Variants in RAX2 observed in about 807,000 individuals in gnomAD.
RAX2 encodes retina and anterior neural fold homeobox 2, also known as retina and anterior neural fold homeobox protein 2.
RAX2 carries 4 observed loss-of-function variants against 5.8 expected under a neutral mutation model. The ratio of observed to expected loss-of-function variants is 0.69; its 90% CI spans 0.34 to 1.58. The LOEUF (loss-of-function observed/expected upper bound fraction) is 1.58. Ranked by LOEUF, RAX2 falls within the 40% of genes most tolerant of loss-of-function variation. RAX2 has a pLI of 0.05. For missense variants in RAX2, 275 were observed against 271.4 expected, an observed-to-expected ratio of 1.01 and a Z score of -0.09; for synonymous variants, 133 against 128.8, an observed-to-expected ratio of 1.03 and a Z score of -0.22.
rs917545 is a variant in RAX2 at position 3,769,755 on chromosome 19, G to A, written c.*866C>T. ...TTGCTCAGAGCTCTTGGGCGATGCG[G>A]CTGGGTTGGACAGAGCAGATGCTGG... On this transcript the variant is annotated 3_prime_UTR_variant, in exon 3 of 3. Coordinates refer to ENST00000555633, the MANE Select transcript of RAX2 (RefSeq NM_001319074.4). 0.79 allele frequency: 121,148 copies of A among 153,164 alleles called. 48,018 individuals are homozygous for A. Among genetic ancestry groups the A allele is most frequent in the African/African-American group, 0.84 (34,894 of 41,540 alleles). 9.5% of individuals were successfully genotyped at this position (153,164 alleles called of 1,614,324 possible).
In RAX2 at chr19:3,770,812, A is replaced by G. The variant is rs1173290478; in HGVS notation, c.364T>C (p.Leu122=). 2 of 1,520,446 alleles carry G rather than the reference A, an allele frequency of 1.3e-6. No individual in the cohort carries two copies. The highest frequency in any genetic ancestry group is 8.8e-7 in the Non-Finnish European group (1 of 1,140,276). The allele number at this position is 1,520,446 out of a possible 1,614,324, so 94.2% of individuals were successfully genotyped here. A position where few individuals can be genotyped will look rare whatever the true frequency, so the allele number is the denominator to read the frequency against. The change falls in exon 3 of 3, where the codon TTG becomes CTG. Residue 122 remains leucine (L), a synonymous_variant. Transcript: ENST00000555633. The part of the protein sequence containing the change: ...PAMSLPLEPW[L]GPGPPAVPGL... ...GGCACGGCCGGCGGTCCGGGGCCCA[A>G]CCAGGGCTCCAGGGGCAGCGACATG... is the stretch of plus-strand genomic sequence containing the variant.
Position 3,770,594 on chromosome 19 carries a change from A to G in RAX2, c.*27T>C, listed in dbSNP as rs1185206434. On this transcript the variant is annotated 3_prime_UTR_variant, in exon 3 of 3. Coordinates refer to ENST00000555633, the MANE Select transcript of RAX2 (RefSeq NM_001319074.4). ...CGTCCCCGGTTCTCGGGTTGGGCCG[A>G]GGAGGGGGCCCGGGAGGGCGGCAGG... 1.3e-6 allele frequency: 2 copies of G among 1,526,554 alleles called. No homozygotes were observed. The highest frequency in any genetic ancestry group is 1.8e-6 in the Non-Finnish European group (2 of 1,141,444). The allele number at this position is 1,526,554 out of a possible 1,614,324, so 94.6% of individuals were successfully genotyped here.
chr19:3,771,404 C>A lies in RAX2; in HGVS notation c.216+123G>T. On this transcript the variant is annotated intron_variant, in intron 2 of 2. Coordinates refer to ENST00000555633, the MANE Select transcript of RAX2 (RefSeq NM_001319074.4). This position sits in a 1 kb window ranked among gnomAD's most constrained non-coding sequence, Gnocchi z 4.2. ...ACTCAAATGTCAAAACCTCAGCTCC[C>A]ACACCCCCTCCTCCAGGAAGCCTTC... 1.2e-6 allele frequency: 1 copy of A among 805,124 alleles called. No homozygotes were observed. The highest frequency in any genetic ancestry group is 1.5e-5 in the South Asian group (1 of 65,222). 49.9% of individuals were successfully genotyped at this position (805,124 alleles called of 1,614,324 possible). A position where few individuals can be genotyped will look rare whatever the true frequency, so the allele number is the denominator to read the frequency against.
rs761291839 is a variant in RAX2 at position 3,771,821 on chromosome 19, G to C, written c.-79C>G. 90 of 1,487,770 alleles carry C rather than the reference G, an allele frequency of 6.0e-5. No homozygotes were observed. Among genetic ancestry groups the C allele is most frequent in the Non-Finnish European group, 7.8e-5 (87 of 1,119,802 alleles). The allele number at this position is 1,487,770 out of a possible 1,614,324, so 92.2% of individuals were successfully genotyped here. A position where few individuals can be genotyped will look rare whatever the true frequency, so the allele number is the denominator to read the frequency against. ...GGGCTACCGGCAGGGACAGGGCAGG[G>C]GAGCCCCAGGCTTGCCTCCCGGCTC... On this transcript the variant is annotated 5_prime_UTR_variant, in exon 2 of 3. Transcript: ENST00000555633. This position sits in a 1 kb window ranked among gnomAD's most constrained non-coding sequence, Gnocchi z 4.2.
chr19:3,770,606 G>C lies in RAX2; in HGVS notation c.*15C>G, dbSNP rs1318540795. ...TCGGGTTGGGCCGAGGAGGGGGCCC[G>C]GGAGGGCGGCAGGCTCAGGCTGGCG... On this transcript the variant is annotated 3_prime_UTR_variant, in exon 3 of 3. Coordinates refer to ENST00000555633, the MANE Select transcript of RAX2 (RefSeq NM_001319074.4). 6.5e-7 allele frequency: 1 copy of C among 1,530,184 alleles called. No homozygotes were observed. Among genetic ancestry groups the C allele is most frequent in the East Asian group, 2.5e-5 (1 of 40,712 alleles). 94.8% of individuals were successfully genotyped at this position (1,530,184 alleles called of 1,614,324 possible). A position where few individuals can be genotyped will look rare whatever the true frequency, so the allele number is the denominator to read the frequency against.
rs758919828 is a variant in RAX2 at position 3,771,516 on chromosome 19, G to T, written c.216+11C>A. On this transcript the variant is annotated intron_variant, in intron 2 of 2. Transcript: ENST00000555633. The surrounding 1 kb of genome is among the most constrained non-coding windows in gnomAD (Gnocchi z 4.2). ...GTTGCAAAAGATGTGTGTGTTGGGG[G>T]GTGCCCTCACCTGCACGCGCACCTC... 1.3e-6 allele frequency: 2 copies of T among 1,577,072 alleles called. No homozygotes were observed. Among genetic ancestry groups the T allele is most frequent in the South Asian group, 2.3e-5 (2 of 86,750 alleles).
Position 3,771,529 on chromosome 19 carries a change from G to T in RAX2, c.214C>A (p.Gln72Lys). The change falls in exon 2 of 3, where the codon CAG becomes AAG. Residue 72 changes from glutamine to lysine, a missense_variant and splice_region_variant. Coordinates refer to ENST00000555633, the MANE Select transcript of RAX2 (RefSeq NM_001319074.4). This position sits in a 1 kb window ranked among gnomAD's most constrained non-coding sequence, Gnocchi z 4.2. ...AKVHLPEVRV[Q>K]VWFQNRRAKW... The stretch of plus-strand genomic sequence containing the variant: ...TGTGTGTTGGGGGGTGCCCTCACCT[G>T]CACGCGCACCTCAGGTAGGTGCACC... The T allele has an allele frequency of 6.3e-7, 1 of 1,593,230 alleles. No homozygotes were observed. The highest frequency in any genetic ancestry group is 8.5e-7 in the Non-Finnish European group (1 of 1,170,258).
In RAX2 at chr19:3,770,707, C is replaced by T; in HGVS notation, c.469G>A (p.Asp157Asn). 1 of 1,535,816 alleles carries T rather than the reference C, an allele frequency of 6.5e-7. No homozygotes were observed. The highest frequency in any genetic ancestry group is 8.7e-7 in the Non-Finnish European group (1 of 1,146,402). ...GACGCCTCCTCCAGGGCGAAGCCATCTGCGAAGGTGGGAGCAAAGGCATGA... is the reference window on the plus strand; with the variant it reads ...GACGCCTCCTCCAGGGCGAAGCCATTTGCGAAGGTGGGAGCAAAGGCATGA... ...GPHAFAPTFADGFALEEASLR... is the reference protein window; with the variant it reads ...GPHAFAPTFANGFALEEASLR... Residue 157 changes from aspartate to asparagine, a missense_variant, in exon 3 of 3, where the codon GAT (aspartate) becomes AAT (asparagine). Asp to Asn is a conservative substitution (Grantham distance 23, BLOSUM62 1). Transcript: ENST00000555633.
chr19:3,771,825 CCCCAGGCTTGCCT>C lies in RAX2; in HGVS notation c.-96_-84del, dbSNP rs1444346270. 6.8e-7 allele frequency: 1 copy of C among 1,479,920 alleles called. No individual in the cohort carries two copies. Among genetic ancestry groups the C allele is most frequent in the African/African-American group, 1.4e-5 (1 of 71,480 alleles). The allele number at this position is 1,479,920 out of a possible 1,614,324, so 91.7% of individuals were successfully genotyped here. On this transcript the variant is annotated 5_prime_UTR_variant, in exon 2 of 3. The change abolishes the stop of an existing upstream ORF in the 5' untranslated region. Transcript: ENST00000555633. The surrounding 1 kb of genome is among the most constrained non-coding windows in gnomAD (Gnocchi z 4.2). The stretch of plus-strand genomic sequence containing the variant: ...TACCGGCAGGGACAGGGCAGGGGAG[CCCCAGGCTTGCCT>C]CCCGGCTCCGGGGAAATCGGTTCCC...
At position 3,771,626 on chromosome 19, in the gene RAX2, C is replaced by A. The variant is rs766400493; in HGVS notation, c.117G>T (p.Leu39=). The change falls in exon 2 of 3, where the codon CTG becomes CTT. Residue 39 remains leucine (L), a synonymous_variant. Transcript: ENST00000555633. The surrounding 1 kb of genome is among the most constrained non-coding windows in gnomAD (Gnocchi z 4.2). ...RNRTTFTTYQ[L]HQLERAFEAS... ...CCTCGAACGCCCGCTCCAGCTGGTG[C>A]AGCTGGTAGGTGGTGAAGGTGGTGC... 2 of 1,613,320 alleles carry A rather than the reference C, an allele frequency of 1.2e-6. No homozygotes were observed. The highest frequency in any genetic ancestry group is 1.7e-6 in the Non-Finnish European group (2 of 1,179,872).
In RAX2 at chr19:3,770,719, G is replaced by A; in HGVS notation, c.457C>T (p.Pro153Ser). The change falls in exon 3 of 3, where the codon CCC becomes TCC. Residue 153 changes from proline to serine, a missense_variant. Transcript: ENST00000555633. ...AGGGCGAAGCCATCTGCGAAGGTGGGAGCAAAGGCATGAGGCCCGAAGGAC... is the reference window on the plus strand; with the variant it reads ...AGGGCGAAGCCATCTGCGAAGGTGGAAGCAAAGGCATGAGGCCCGAAGGAC... ...QASFGPHAFA[P>S]TFADGFALEE... The A allele has an allele frequency of 1.3e-6, 2 of 1,535,554 alleles. No homozygotes were observed. The highest frequency in any genetic ancestry group is 1.7e-6 in the Non-Finnish European group (2 of 1,146,276).
Position 3,771,843 on chromosome 19 carries a change from G to T in RAX2, c.-101C>A. The T allele has an allele frequency of 6.8e-7, 1 of 1,465,098 alleles. No individual in the cohort carries two copies. 90.8% of individuals were successfully genotyped at this position (1,465,098 alleles called of 1,614,324 possible). A position where few individuals can be genotyped will look rare whatever the true frequency, so the allele number is the denominator to read the frequency against. On this transcript the variant is annotated 5_prime_UTR_variant, in exon 2 of 3. Coordinates refer to ENST00000555633, the MANE Select transcript of RAX2 (RefSeq NM_001319074.4). The surrounding 1 kb of genome is among the most constrained non-coding windows in gnomAD (Gnocchi z 4.2). ...AGGGGAGCCCCAGGCTTGCCTCCCG[G>T]CTCCGGGGAAATCGGTTCCCTCCAC...
In RAX2 at chr19:3,771,450, G is replaced by C. The variant is rs561092319; in HGVS notation, c.216+77C>G. ...CCTTCCTAGCTTCTCTTCTGCTGTT[G>C]CTCCGGGAGGGTCAGGATCTTGCTT... On this transcript the variant is annotated intron_variant, in intron 2 of 2. Coordinates refer to ENST00000555633, the MANE Select transcript of RAX2 (RefSeq NM_001319074.4). This position sits in a 1 kb window ranked among gnomAD's most constrained non-coding sequence, Gnocchi z 4.2. 1.7e-6 allele frequency: 2 copies of C among 1,202,838 alleles called. No homozygotes were observed. The highest frequency in any genetic ancestry group is 2.4e-6 in the Non-Finnish European group (2 of 835,172). The allele number at this position is 1,202,838 out of a possible 1,614,324, so 74.5% of individuals were successfully genotyped here.
chr19:3,771,010 G>T lies in RAX2; in HGVS notation c.217-51C>A, dbSNP rs374223460. 1 of 1,402,734 alleles carries T rather than the reference G, an allele frequency of 7.1e-7. No homozygotes were observed. The highest frequency in any genetic ancestry group is 9.7e-7 in the Non-Finnish European group (1 of 1,027,270). 86.9% of individuals were successfully genotyped at this position (1,402,734 alleles called of 1,614,324 possible). On this transcript the variant is annotated intron_variant, in intron 2 of 2. Coordinates refer to ENST00000555633, the MANE Select transcript of RAX2 (RefSeq NM_001319074.4). This position sits in a 1 kb window ranked among gnomAD's most constrained non-coding sequence, Gnocchi z 4.2. ...GTTGCTGTGAGCTCAGCCGCTCCCCGCCAATCCTCGGACCCCCTCTGCACA... is the reference window on the plus strand; with the variant it reads ...GTTGCTGTGAGCTCAGCCGCTCCCCTCCAATCCTCGGACCCCCTCTGCACA...
Position 3,772,027 on chromosome 19 carries a change from C to CG in RAX2, c.-268-18dup. On this transcript the variant is annotated splice_polypyrimidine_tract_variant and intron_variant, in intron 1 of 2. Transcript: ENST00000555633. ...TGTCACGGCCTGTGTGTGTGTGTGTCGGCGGGGGGGGGTCAAGGATGCCCC... is the reference window on the plus strand; with the variant it reads ...TGTCACGGCCTGTGTGTGTGTGTGTCGGGCGGGGGGGGGTCAAGGATGCCCC... The CG allele has an allele frequency of 2.4e-6, 1 of 422,818 alleles. No homozygotes were observed. The highest frequency in any genetic ancestry group is 4.3e-6 in the Non-Finnish European group (1 of 233,276). 26.2% of individuals were successfully genotyped at this position (422,818 alleles called of 1,614,324 possible).
At position 3,770,507 on chromosome 19, in the gene RAX2, C is replaced by A; in HGVS notation, c.*114G>T. On this transcript the variant is annotated 3_prime_UTR_variant, in exon 3 of 3. Coordinates refer to ENST00000555633, the MANE Select transcript of RAX2 (RefSeq NM_001319074.4). ...CCGCTCCCCAGTGGTGGTGGCCTGG[C>A]CTGACCACGGTTGCTCCATGACCTC... 1 of 958,190 alleles carries A rather than the reference C, an allele frequency of 1.0e-6. No homozygotes were observed. 59.4% of individuals were successfully genotyped at this position (958,190 alleles called of 1,614,324 possible). A position where few individuals can be genotyped will look rare whatever the true frequency, so the allele number is the denominator to read the frequency against.
rs142875968 is a variant in RAX2, at chr19:3,770,350, C to T, written c.*271G>A. On this transcript the variant is annotated 3_prime_UTR_variant, in exon 3 of 3. Coordinates refer to ENST00000555633, the MANE Select transcript of RAX2 (RefSeq NM_001319074.4). ...AGGCCCCAGGAGGGGAGGAGGTCCCCGCACCTGGCCTGAGAATACTTGGGT... is the reference window on the plus strand; with the variant it reads ...AGGCCCCAGGAGGGGAGGAGGTCCCTGCACCTGGCCTGAGAATACTTGGGT... The T allele has an allele frequency of 1.8e-5, 9 of 498,834 alleles. No homozygotes were observed. Among genetic ancestry groups the T allele is most frequent in the South Asian group, 1.5e-4 (5 of 33,150 alleles). The allele number at this position is 498,834 out of a possible 1,614,324, so 30.9% of individuals were successfully genotyped here.
In RAX2 at chr19:3,770,767, C is replaced by A; in HGVS notation, c.409G>T (p.Gly137Cys). The change falls in exon 3 of 3, where the codon GGC becomes TGC. Residue 137 changes from glycine to cysteine, a missense_variant. Coordinates refer to ENST00000555633, the MANE Select transcript of RAX2 (RefSeq NM_001319074.4). ...GACGCTTGCAGCCCCGGGCCCGGGC[C>A]CAGGAGGCGGGGGAGGCCTGGCACG... ...PAVPGLPRLL[G>C]PGPGLQASFG... 1 of 1,528,546 alleles carries A rather than the reference C, an allele frequency of 6.5e-7. No individual in the cohort carries two copies. Among genetic ancestry groups the A allele is most frequent in the Non-Finnish European group, 8.7e-7 (1 of 1,143,590 alleles). 94.7% of individuals were successfully genotyped at this position (1,528,546 alleles called of 1,614,324 possible).
rs560887440 is a variant in RAX2 at position 3,771,876 on chromosome 19, G to A, written c.-134C>T. On this transcript the variant is annotated 5_prime_UTR_variant, in exon 2 of 3. Transcript: ENST00000555633. This position sits in a 1 kb window ranked among gnomAD's most constrained non-coding sequence, Gnocchi z 4.2. The stretch of plus-strand genomic sequence containing the variant: ...GAAATCGGTTCCCTCCACTGGGGCC[G>A]GCATGCGCTCTGCATCCCCAGGCTG... 8.3e-6 allele frequency: 12 copies of A among 1,447,948 alleles called. No homozygotes were observed. Among genetic ancestry groups the A allele is most frequent in the South Asian group, 5.7e-5 (4 of 69,720 alleles). 89.7% of individuals were successfully genotyped at this position (1,447,948 alleles called of 1,614,324 possible). A position where few individuals can be genotyped will look rare whatever the true frequency, so the allele number is the denominator to read the frequency against.
Sources: allele counts gnomAD v4.1 joint callset, GRCh38; gene constraint gnomAD v4.1.1; non-coding constraint Gnocchi (gnomAD v3.1); transcripts MANE v1.5; gene names NCBI Gene and HGNC (gene_info 2026-07-23, HGNC 2026-07-21).